The following PDLIM5 variants were observed in gnomAD, a reference collection of about 807,000 sequenced individuals.
The protein encoded by PDLIM5 is PDZ and LIM domain protein 5.
A neutral mutation model predicts 64.2 loss-of-function variants in PDLIM5; 34 were observed. That is an observed-to-expected ratio of 0.53 (90% CI 0.40 to 0.71). PDLIM5 has a LOEUF of 0.71. PDLIM5 is among the 30% of genes least tolerant of loss of function. The probability of loss-of-function intolerance (pLI) is 0.00; values close to 1 mark genes in which losing one functional copy is unlikely to be tolerated. For synonymous variants in PDLIM5, 253 were observed against 269.1 expected, an observed-to-expected ratio of 0.94 and a Z score of 0.59; for missense variants, 683 against 733.6, an observed-to-expected ratio of 0.93 and a Z score of 0.80.
At chr4:94,654,743 T>C in intron 10 of PDLIM5, 103 bp downstream of exon 10, 2 of 739,252 alleles carry the variant, frequency 2.7e-6, no homozygotes, top group South Asian at 3.8e-5. Context: ...CTTCTTGCTT[T>C]ATGCCCTCTC....
intron 5 of PDLIM5, chr4:94,582,604 T>C: frequency 1.5e-6 from 1 of 669,188 alleles, no homozygotes; most frequent in South Asian, 1.8e-5. Flanking sequence ...TATTTCATTG[T>C]CTTTTCTTTT....
chr4:94,659,044 A>T (rs1208210945), intron 11 of PDLIM5, among the ~76,000 whole-genome samples: 1 of 152,250 alleles, frequency 6.6e-6, no homozygotes, highest in Admixed American at 6.5e-5. Context: ...ATTTGAAGTC[A>T]TATTTTAAAT....
At chr4:94,478,281 G>A (rs979566870) in intron 2 of PDLIM5, among the ~76,000 whole-genome samples, 49 of 149,680 alleles carry the variant, frequency 3.3e-4, no homozygotes, top group Non-Finnish European at 5.5e-4. Context: ...AAAGAATATA[G>A]TATTAATATA....
chr4:94,560,674 T>C (rs1323166000), intron 3 of PDLIM5, among the ~76,000 whole-genome samples: 2 of 152,186 alleles, frequency 1.3e-5, no homozygotes, highest in Non-Finnish European at 2.9e-5. Context: ...ATACTGGACA[T>C]TTTTGAGGCT....
At chr4:94,484,082 C>A (rs1411609095) in intron 2 of PDLIM5, among the ~76,000 whole-genome samples, 1 of 152,140 alleles carries the variant, frequency 6.6e-6, no homozygotes, top group Non-Finnish European at 1.5e-5. Context: ...TATGGTTTTA[C>A]TAGCACGCTG....
rs763705561 is a variant in PDLIM5, at chr4:94,665,597, A to C, written c.*1530A>C. 179 of 986,186 alleles carry C rather than the reference A, an allele frequency of 1.8e-4. 1 individual carries two copies. Among genetic ancestry groups the C allele is most frequent in the Non-Finnish European group, 2.1e-4 (177 of 829,192 alleles). The allele number at this position is 986,186 out of a possible 1,614,324, so 61.1% of individuals were successfully genotyped here. The stretch of plus-strand genomic sequence containing the variant: ...AATTGTTTTTCAATCCCCTTTTCTC[A>C]AATAATAAATTAGTTAAATCAGTTT... On this transcript the variant is annotated 3_prime_UTR_variant, in exon 13 of 13. Transcript: ENST00000317968.
intron 9 of PDLIM5, among the ~76,000 whole-genome samples, chr4:94,652,894 C>T (rs1224268547): frequency 6.6e-6 from 1 of 152,124 alleles, no homozygotes; most frequent in East Asian, 1.9e-4. Flanking sequence ...CATCAAGAGC[C>T]TTTCTCCTTT....
At chr4:94,586,154 A>AG in intron 6 of PDLIM5, among the ~76,000 whole-genome samples, 1 of 152,134 alleles carries the variant, frequency 6.6e-6, no homozygotes, top group South Asian at 2.1e-4. Flanking sequence ...TGGGTGATGG[A>AG]GGGGCTCTGT....
At chr4:94,573,815 T>C (rs2110279416) in intron 4 of PDLIM5, 1 of 176,936 alleles carries the variant, frequency 5.7e-6, no homozygotes, top group Non-Finnish European at 1.2e-5. Flanking sequence ...GTATCCCTCT[T>C]CTTGCATATA....
chr4:94,615,133 G>A (rs1578474974), intron 7 of PDLIM5, among the ~76,000 whole-genome samples: 1 of 152,206 alleles, frequency 6.6e-6, no homozygotes, highest in South Asian at 2.1e-4. Flanking sequence ...TGGGATAAAG[G>A]TAGTATTTTT....
intron 7 of PDLIM5, among the ~76,000 whole-genome samples, chr4:94,614,130 T>G (rs1738585123): frequency 6.6e-6 from 1 of 152,054 alleles, no homozygotes; most frequent in Non-Finnish European, 1.5e-5. Context: ...ACCCAGCTAA[T>G]TTTTGTATTT....
chr4:94,559,064 T>C (rs1294363292), intron 3 of PDLIM5, among the ~76,000 whole-genome samples: 1 of 152,128 alleles, frequency 6.6e-6, no homozygotes, highest in Non-Finnish European at 1.5e-5. Flanking sequence ...TAGTAAGAAA[T>C]TGTGATTAGT....
chr4:94,639,274 G>T (rs1276543234), intron 8 of PDLIM5, among the ~76,000 whole-genome samples: 1 of 152,110 alleles, frequency 6.6e-6, no homozygotes, highest in African/African-American at 2.4e-5. Flanking sequence ...AGAGACCACT[G>T]GGGGGATTTG....
chr4:94,456,999 T>C, intron 2 of PDLIM5: 1 of 979,554 alleles, frequency 1.0e-6, no homozygotes, highest in Non-Finnish European at 1.2e-6. Flanking sequence ...TTACCTTAAA[T>C]TTAGTTAGTT....
At position 94,665,979 on chromosome 4, in the gene PDLIM5, G is replaced by C. The variant is rs1430158914; in HGVS notation, c.*1912G>C. The stretch of plus-strand genomic sequence containing the variant: ...GATCCTGTTGCTATTTGCCCAGTGA[G>C]AAAACAGATTCTGGTATTTGATTTG... On this transcript the variant is annotated 3_prime_UTR_variant, in exon 13 of 13. Transcript: ENST00000317968. The C allele has an allele frequency of 6.5e-7, 1 of 1,532,590 alleles. No individual in the cohort carries two copies. Among genetic ancestry groups the C allele is most frequent in the Non-Finnish European group, 8.7e-7 (1 of 1,144,828 alleles). The allele number at this position is 1,532,590 out of a possible 1,614,324, so 94.9% of individuals were successfully genotyped here. A position where few individuals can be genotyped will look rare whatever the true frequency, so the allele number is the denominator to read the frequency against.
intron 8 of PDLIM5, among the ~76,000 whole-genome samples, chr4:94,631,318 A>G (rs1740132562): frequency 6.6e-6 from 1 of 152,176 alleles, no homozygotes; most frequent in South Asian, 2.1e-4. Context: ...ATTAATTATA[A>G]TGGCTAAAAA....
At chr4:94,652,949 T>C (rs781442757) in intron 9 of PDLIM5, among the ~76,000 whole-genome samples, 7 of 152,168 alleles carry the variant, frequency 4.6e-5, no homozygotes, top group Non-Finnish European at 8.8e-5. Flanking sequence ...TAAACATCAA[T>C]ATGGTGACAA....
intron 3 of PDLIM5, among the ~76,000 whole-genome samples, chr4:94,544,787 C>T (rs933029335): frequency 6.6e-6 from 1 of 152,204 alleles, no homozygotes; most frequent in African/African-American, 2.4e-5. Context: ...TCCCGAGTAG[C>T]TGGAATTACA....
chr4:94,511,693 G>C (rs575046442), intron 2 of PDLIM5, among the ~76,000 whole-genome samples: 1 of 151,612 alleles, frequency 6.6e-6, no homozygotes, highest in African/African-American at 2.4e-5. Flanking sequence ...CAATTATTTT[G>C]GCTTTTTTGG....
Sources: gnomAD v4.1 joint callset for allele counts (sites outside exome capture counted in the v4.1 genomes callset) on GRCh38, gnomAD v4.1.1 for gene constraint, MANE v1.5 for transcripts, NCBI Gene and HGNC (gene_info 2026-07-23, HGNC 2026-07-21) for gene names.